The following ARID2 variants were observed in gnomAD, a reference collection of about 807,000 sequenced individuals.
The protein encoded by ARID2 is AT-rich interactive domain-containing protein 2.
In ARID2, 32 loss-of-function variants were observed where a neutral mutation model predicts 184.6. The observed-to-expected ratio is 0.17, with a 90% CI of 0.13 to 0.23. ARID2 has a LOEUF of 0.23. Among genes scored for constraint, ARID2 ranks in the 10% least tolerant of loss-of-function variants. The probability of loss-of-function intolerance (pLI) is 1.00; values close to 1 mark genes in which losing one functional copy is unlikely to be tolerated. For synonymous variants in ARID2, 836 were observed against 772.6 expected (o/e 1.08, Z -1.36); for missense variants, 1,696 against 2,197.6 (o/e 0.77, Z 4.56).
intron 3 of ARID2, among the ~76,000 whole-genome samples, chr12:45,782,562 G>A (rs1409320854): frequency 6.6e-6 from 1 of 152,144 alleles, no homozygotes; most frequent in Non-Finnish European, 1.5e-5. Context: ...AACCCGGGAG[G>A]TGGAGGTTGC....
intron 6 of ARID2, among the ~76,000 whole-genome samples, chr12:45,832,340 T>C (rs986565144): frequency 6.6e-6 from 1 of 152,178 alleles, no homozygotes; most frequent in African/African-American, 2.4e-5. Context: ...TTGGTTATGA[T>C]ATGCCTTGCA....
chr12:45,824,024 A>C (rs1436218430), intron 6 of ARID2, among the ~76,000 whole-genome samples: 1 of 152,188 alleles, frequency 6.6e-6, no homozygotes, highest in African/African-American at 2.4e-5. Flanking sequence ...ACATAGATGC[A>C]AAAGTCCTCA....
Position 45,795,199 on chromosome 12 carries a change from C to T in ARID2, c.285-16219C>T, listed in dbSNP as rs1360446090. On this transcript the variant is annotated intron_variant, in intron 3 of 20. Transcript: ENST00000334344. Reference sequence around the variant, plus strand: ...ATGGGAGTGTATTATATCTTTTGCACCCTCCATGTGCCAGTATCAAAGTCC... The same window carrying T: ...ATGGGAGTGTATTATATCTTTTGCATCCTCCATGTGCCAGTATCAAAGTCC... 4.6e-5 allele frequency among the ~76,000 whole-genome samples: 7 copies of T among 151,992 alleles called. No homozygotes were observed. In the East Asian group the frequency reaches 1.4e-3, roughly 29 times the overall value.
chr12:45,872,010 G>A (rs1423586493), intron 16 of ARID2, among the ~76,000 whole-genome samples: 2 of 151,632 alleles, frequency 1.3e-5, no homozygotes, highest in Non-Finnish European at 2.9e-5. Flanking sequence ...ATTTTTTCTT[G>A]GTTAGGTTAG....
At chr12:45,829,037 T>A (rs1038937590) in intron 6 of ARID2, among the ~76,000 whole-genome samples, 1 of 152,082 alleles carries the variant, frequency 6.6e-6, no homozygotes. Flanking sequence ...CTGTTTTACT[T>A]TTCACACTTA....
chr12:45,781,656 T>C (rs974884845), intron 3 of ARID2, among the ~76,000 whole-genome samples: 1 of 152,004 alleles, frequency 6.6e-6, no homozygotes, highest in African/African-American at 2.4e-5. Context: ...CTTTTAAAAA[T>C]GGAAGTGATT....
At chr12:45,880,790 C>T (rs1427331023) in intron 16 of ARID2, among the ~76,000 whole-genome samples, 1 of 152,158 alleles carries the variant, frequency 6.6e-6, no homozygotes, top group Non-Finnish European at 1.5e-5. Flanking sequence ...ATATTCTCTG[C>T]CCCTACCCCA....
At chr12:45,749,622 A>G (rs1941421390) in intron 3 of ARID2, among the ~76,000 whole-genome samples, 2 of 152,162 alleles carry the variant, frequency 1.3e-5, no homozygotes, top group South Asian at 2.1e-4. Flanking sequence ...AGGCTTTTTC[A>G]TCTATGTTGA....
intron 3 of ARID2, among the ~76,000 whole-genome samples, chr12:45,808,835 G>A (rs1942650713): frequency 6.6e-6 from 1 of 152,116 alleles, no homozygotes; most frequent in Admixed American, 6.5e-5. Flanking sequence ...CACAATCTTG[G>A]CTCACTGTAA....
chr12:45,817,961 T>G, intron 5 of ARID2, 73 bp downstream of exon 5: 2 of 1,175,650 alleles, frequency 1.7e-6, no homozygotes, highest in Non-Finnish European at 2.3e-6. Flanking sequence ...AAGGAGAAAG[T>G]ACTTTTTGTT....
At chr12:45,760,146 A>G (rs911779020) in intron 3 of ARID2, among the ~76,000 whole-genome samples, 1 of 152,104 alleles carries the variant, frequency 6.6e-6, no homozygotes, top group Non-Finnish European at 1.5e-5. Flanking sequence ...TAATTTCCAG[A>G]TATAATATTT....
rs758813928 is a variant in ARID2, at chr12:45,852,401, A to G, written c.4278A>G (p.Ser1426=). The G allele has an allele frequency of 8.1e-6, 13 of 1,614,068 alleles. No individual in the cohort carries two copies. The highest frequency in any genetic ancestry group is 8.5e-6 in the Non-Finnish European group (10 of 1,180,026). The change falls in exon 15 of 21, where the codon TCA becomes TCG. Residue 1426 remains serine, a synonymous_variant. Coordinates refer to ENST00000334344, the MANE Select transcript of ARID2 (RefSeq NM_152641.4). ...SNGPVLTLGG[S]SVSSIQEASN... is the part of the protein sequence containing the mutation. Reference sequence around the variant, plus strand: ...GACCTGTATTAACTTTGGGTGGTTCATCTGTGAGCAGTATACAGGAGGCTT... The same window carrying G: ...GACCTGTATTAACTTTGGGTGGTTCGTCTGTGAGCAGTATACAGGAGGCTT...
At chr12:45,852,940 C>G (rs749093696) in intron 15 of ARID2, 44 bp downstream of exon 15, 6 of 1,489,834 alleles carry the variant, frequency 4.0e-6, no homozygotes, top group East Asian at 2.3e-5. Flanking sequence ...AATTTCTGAT[C>G]TGTAAATACA....
chr12:45,772,558 T>G (rs893378210), intron 3 of ARID2, among the ~76,000 whole-genome samples: 1 of 152,196 alleles, frequency 6.6e-6, no homozygotes, highest in Non-Finnish European at 1.5e-5. Flanking sequence ...GACAAAAGAT[T>G]TATTATGCAA....
intron 3 of ARID2, among the ~76,000 whole-genome samples, chr12:45,803,234 A>G (rs1942539673): frequency 6.6e-6 from 1 of 152,192 alleles, no homozygotes. Context: ...TCTGTACTTG[A>G]ATTCAGCTAT....
chr12:45,785,098 C>T (rs1402042432), intron 3 of ARID2, among the ~76,000 whole-genome samples: 8 of 152,100 alleles, frequency 5.3e-5, no homozygotes, highest in Non-Finnish European at 8.8e-5. Flanking sequence ...GCCTTTCAGG[C>T]GAAGAAGCCT....
intron 5 of ARID2, among the ~76,000 whole-genome samples, chr12:45,818,878 C>G (rs1942851694): frequency 1.3e-5 from 2 of 152,006 alleles, no homozygotes; most frequent in Admixed American, 1.3e-4. Flanking sequence ...AAATTAGTTT[C>G]TTAACTTGCC....
chr12:45,833,842 C>T lies in ARID2; in HGVS notation c.706-2747C>T, dbSNP rs948573777. Among the ~76,000 whole-genome samples, 35 of 152,196 alleles carry T rather than the reference C, an allele frequency of 2.3e-4. 1 individual carries two copies. The highest frequency in any genetic ancestry group is 8.2e-4 in the African/African-American group (34 of 41,442). On this transcript the variant is annotated intron_variant, in intron 6 of 20. Transcript: ENST00000334344. ...ACTAGCATTGTGGAGTTTGAGCATA[C>T]ATCTGTGTAACTTAATACTTAGCAA...
chr12:45,864,583 T>A (rs186423588), intron 16 of ARID2, among the ~76,000 whole-genome samples: 37 of 152,274 alleles, frequency 2.4e-4, no homozygotes, highest in Non-Finnish European at 5.1e-4. Context: ...TTCCTGATAC[T>A]GTTTAGCATG....
Sources: gnomAD v4.1 joint callset for allele counts (sites outside exome capture counted in the v4.1 genomes callset) on GRCh38, gnomAD v4.1.1 for gene constraint, MANE v1.5 for transcripts, NCBI Gene and HGNC (gene_info 2026-07-23, HGNC 2026-07-21) for gene names.